Variants in LYZ observed in about 807,000 individuals in gnomAD.
LYZ encodes the protein lysozyme, also known as lysozyme C.
Under a neutral mutation model 15.8 loss-of-function variants are expected in LYZ, and 18 were observed. That is an observed-to-expected ratio of 1.14 (90% CI 0.79 to 1.69). The LOEUF is 1.69. LYZ is among the 40% of genes most tolerant of loss of function. The probability of loss-of-function intolerance (pLI) is 0.00; values close to 1 mark genes in which losing one functional copy is unlikely to be tolerated. For synonymous variants in LYZ, 60 were observed against 61.7 expected, an observed-to-expected ratio of 0.97 and a Z score of 0.13; for missense variants, 139 against 182.8, an observed-to-expected ratio of 0.76 and a Z score of 1.38.
At chr12:69,349,514 A>G (rs544471) in intron 1 of LYZ, among the ~76,000 whole-genome samples, 16,185 of 152,152 alleles carry the variant, frequency 0.11, 1,792 homozygotes, top group African/African-American at 0.28. Context: ...AAGTTATTTT[A>G]TAGTTTAGTA....
rs761096773 is a variant in LYZ at position 69,352,309 on chromosome 12, A to G, written c.380+11A>G. 1.2e-6 allele frequency: 2 copies of G among 1,605,516 alleles called. No homozygotes were observed. Among genetic ancestry groups the G allele is most frequent in the Admixed American group, 3.3e-5 (2 of 60,000 alleles). On this transcript the variant is annotated intron_variant, in intron 3 of 3. Coordinates refer to ENST00000261267, the MANE Select transcript of LYZ (RefSeq NM_000239.3). ...AGGCATTAGAGCATGGTATGTTTTA[A>G]GTGTTAAAAGGGAAAACTATCTTAC...
Position 69,348,969 on chromosome 12 carries a change from G to T in LYZ, c.136+425G>T, listed in dbSNP as rs373332187. 6.5e-4 allele frequency among the ~76,000 whole-genome samples: 98 copies of T among 150,904 alleles called. 1 individual carries two copies. The South Asian group carries it at 0.02, about 30-fold the overall frequency. ...TATTTTTCTTGTCTTCAAGTCCCCT[G>T]CCGTGATGTGGGATTTTTATTTTTA... On this transcript the variant is annotated intron_variant, in intron 1 of 3. Transcript: ENST00000261267.
intron 1 of LYZ, 27 bp downstream of exon 1, chr12:69,348,571 G>T: frequency 6.2e-7 from 1 of 1,613,784 alleles, no homozygotes; most frequent in Non-Finnish European, 8.5e-7. Flanking sequence ...TAATTCCAGA[G>T]AATTAGCTAC....
Position 69,348,408 on chromosome 12 carries a change from C to T in LYZ, c.-1C>T, listed in dbSNP as rs513342. On this transcript the variant is annotated 5_prime_UTR_variant, in exon 1 of 4. Coordinates refer to ENST00000261267, the MANE Select transcript of LYZ (RefSeq NM_000239.3). ...CCTAGCACTCTGACCTAGCAGTCAA[C>T]ATGAAGGCTCTCATTGTTCTGGGGC... is the stretch of plus-strand genomic sequence containing the variant. 69,657 of 1,614,034 alleles carry T rather than the reference C, an allele frequency of 0.043. 1,989 individuals carry two copies. The highest frequency in any genetic ancestry group is 0.13 in the African/African-American group (10,042 of 75,002).
At position 69,353,191 on chromosome 12, in the gene LYZ, GTCAGTATGT is replaced by G. The variant is rs776637093; in HGVS notation, c.423_431del (p.Tyr142_Gln144del). 1 of 1,614,054 alleles carries G rather than the reference GTCAGTATGT, an allele frequency of 6.2e-7. No individual in the cohort carries two copies. The highest frequency in any genetic ancestry group is 1.7e-5 in the Admixed American group (1 of 60,022). On this transcript the variant is annotated inframe_deletion, in exon 4 of 4. Coordinates refer to ENST00000261267, the MANE Select transcript of LYZ (RefSeq NM_000239.3). ...AATCGTTGTCAAAACAGAGATGTCCGTCAGTATGTTCAAGGTTGTGGAGTGTAACTCCAG... is the reference window on the plus strand; with the variant it reads ...AATCGTTGTCAAAACAGAGATGTCCGTCAAGGTTGTGGAGTGTAACTCCAG...
chr12:69,350,735 G>T (rs1874824815), intron 2 of LYZ, among the ~76,000 whole-genome samples: 2 of 48,954 alleles, frequency 4.1e-5, no homozygotes, highest in Admixed American at 2.5e-4. Context: ...CTTCTTCTAT[G>T]CCTTTTTTTT....
intron 2 of LYZ, among the ~76,000 whole-genome samples, chr12:69,350,737 C>CTTTTTTTTTTTTTTTTTTTTTTT (rs60163961): frequency 3.8e-5 from 1 of 26,046 alleles, no homozygotes; most frequent in African/African-American, 1.0e-4. Flanking sequence ...TCTTCTATGC[C>CTTTTTTTTTTTTTTTTTTTTTTT]TTTTTTTTTT....
Position 69,353,546 on chromosome 12 carries a change from T to C in LYZ, c.*327T>C, listed in dbSNP as rs1779334292. ...CTCTGTCGCCCAGGCTGGAGTGCAGTGGCGCAATCTCGGCTCACTGCAACC... is the reference window on the plus strand; with the variant it reads ...CTCTGTCGCCCAGGCTGGAGTGCAGCGGCGCAATCTCGGCTCACTGCAACC... On this transcript the variant is annotated 3_prime_UTR_variant, in exon 4 of 4. Coordinates refer to ENST00000261267, the MANE Select transcript of LYZ (RefSeq NM_000239.3). 1 of 308,522 alleles carries C rather than the reference T, an allele frequency of 3.2e-6. No homozygotes were observed. The highest frequency in any genetic ancestry group is 2.4e-5 in the African/African-American group (1 of 40,916). 19.1% of individuals were successfully genotyped at this position (308,522 alleles called of 1,614,324 possible).
chr12:69,350,858 G>T (rs1874830511), intron 2 of LYZ, among the ~76,000 whole-genome samples: 1 of 147,482 alleles, frequency 6.8e-6, no homozygotes, highest in Non-Finnish European at 1.5e-5. Context: ...CACCATCACA[G>T]CTCACTGCAG....
At chr12:69,350,441 G>T in intron 2 of LYZ, 169 bp downstream of exon 2, 2 of 672,728 alleles carry the variant, frequency 3.0e-6, no homozygotes, top group Non-Finnish European at 2.5e-6. Flanking sequence ...AATTAAAGAA[G>T]TGGTATCATA....
rs750310489 is a variant in LYZ, at chr12:69,348,406, A to T, written c.-3A>T. 6.2e-6 allele frequency: 10 copies of T among 1,614,066 alleles called. No individual in the cohort carries two copies. The highest frequency in any genetic ancestry group is 1.7e-5 in the Admixed American group (1 of 60,012). The stretch of plus-strand genomic sequence containing the variant: ...AGCCTAGCACTCTGACCTAGCAGTC[A>T]ACATGAAGGCTCTCATTGTTCTGGG... On this transcript the variant is annotated 5_prime_UTR_variant, in exon 1 of 4. Transcript: ENST00000261267.
chr12:69,349,854 T>C (rs1874802195), intron 1 of LYZ, among the ~76,000 whole-genome samples: 1 of 152,186 alleles, frequency 6.6e-6, no homozygotes. Flanking sequence ...GTAAAAGCAA[T>C]GGAACAAACA....
chr12:69,348,995 T>TTTTTA (rs1159874220), intron 1 of LYZ, among the ~76,000 whole-genome samples: 4 of 152,062 alleles, frequency 2.6e-5, no homozygotes, highest in South Asian at 2.1e-4. Context: ...TTTATTTTTA[T>TTTTTA]TTTTATTTTA....
Position 69,348,534 on chromosome 12 carries a change from C to T in LYZ, c.126C>T (p.Ser42=). The change falls in exon 1 of 4, where the codon AGC becomes AGT. Residue 42 remains serine (S), a synonymous_variant. Coordinates refer to ENST00000261267, the MANE Select transcript of LYZ (RefSeq NM_000239.3). ...RLGMDGYRGI[S]LANWMCLAKW... ...GAATGGATGGCTACAGGGGAATCAGCCTAGCAAACTGTAAGTCTACTCTCC... is the reference window on the plus strand; with the variant it reads ...GAATGGATGGCTACAGGGGAATCAGTCTAGCAAACTGTAAGTCTACTCTCC... The T allele has an allele frequency of 6.2e-7, 1 of 1,614,112 alleles. No individual in the cohort carries two copies. The highest frequency in any genetic ancestry group is 8.5e-7 in the Non-Finnish European group (1 of 1,180,012).
chr12:69,353,428 A>T lies in LYZ; in HGVS notation c.*209A>T. The T allele has an allele frequency of 1.6e-6, 1 of 628,160 alleles. No individual in the cohort carries two copies. Among genetic ancestry groups the T allele is most frequent in the Non-Finnish European group, 2.8e-6 (1 of 351,324 alleles). The allele number at this position is 628,160 out of a possible 1,614,324, so 38.9% of individuals were successfully genotyped here. On this transcript the variant is annotated 3_prime_UTR_variant, in exon 4 of 4. Transcript: ENST00000261267. ...GCCTACAACATTTTTCAGTTTGCAA[A>T]TAGAACTAATACTGGTGAAAATTTA... is the stretch of plus-strand genomic sequence containing the variant.
At chr12:69,350,859 C>T (rs1874830576) in intron 2 of LYZ, among the ~76,000 whole-genome samples, 1 of 149,360 alleles carries the variant, frequency 6.7e-6, no homozygotes, top group South Asian at 2.1e-4. Context: ...ACCATCACAG[C>T]TCACTGCAGC....
rs758850988 is a variant in LYZ at position 69,350,258 on chromosome 12, A to T, written c.287A>T (p.His96Leu). The change falls in exon 2 of 4, where the codon CAT (histidine) becomes CTT (leucine). Residue 96 changes from histidine to leucine, a missense_variant. Transcript: ENST00000261267. ...ACCCCAGGAGCAGTTAATGCCTGTC[A>T]TTTATCCTGCAGTGGTAAGACAAGC... Reference protein sequence around the residue: ...GKTPGAVNACHLSCSALLQDN... With the variant: ...GKTPGAVNACLLSCSALLQDN... 4 of 1,614,130 alleles carry T rather than the reference A, an allele frequency of 2.5e-6. No homozygotes were observed. Among genetic ancestry groups the T allele is most frequent in the South Asian group, 1.1e-5 (1 of 91,086 alleles).
At chr12:69,349,491 G>A (rs1874794254) in intron 1 of LYZ, among the ~76,000 whole-genome samples, 1 of 152,248 alleles carries the variant, frequency 6.6e-6, no homozygotes, top group Non-Finnish European at 1.5e-5. Flanking sequence ...AATTCAAGAT[G>A]TGCCATGAGG....
Position 69,352,507 on chromosome 12 carries a change from A to T in LYZ, c.380+209A>T, listed in dbSNP as rs143883804. Among the ~76,000 whole-genome samples, 170 of 152,346 alleles carry T rather than the reference A, an allele frequency of 1.1e-3. 1 individual carries two copies. The highest frequency in any genetic ancestry group is 1.4e-3 in the Admixed American group (21 of 15,304). ...ACTCTTTTACTCCTCAATTTATTTT[A>T]GGGGATTTCTAGAGTTTTAAGATGC... is the stretch of plus-strand genomic sequence containing the variant. On this transcript the variant is annotated intron_variant, in intron 3 of 3. Coordinates refer to ENST00000261267, the MANE Select transcript of LYZ (RefSeq NM_000239.3).
Sources: allele counts gnomAD v4.1 joint callset (sites outside exome capture counted in the v4.1 genomes callset), GRCh38; gene constraint gnomAD v4.1.1; transcripts MANE v1.5; gene names NCBI Gene and HGNC (gene_info 2026-07-23, HGNC 2026-07-21).